TBK1: variants seen among roughly 807,000 people sequenced by gnomAD.
TBK1 encodes the protein TANK binding kinase 1, also known as serine/threonine-protein kinase TBK1.
Under a neutral mutation model 99.9 loss-of-function variants are expected in TBK1, and 37 were observed. The observed-to-expected ratio is 0.37, with a 90% CI of 0.28 to 0.49. The LOEUF (loss-of-function observed/expected upper bound fraction) is 0.49, where lower values mean the gene tolerates loss of function less well. Ranked by LOEUF, TBK1 falls within the 20% of genes least tolerant of loss-of-function variation. The pLI, the probability that TBK1 is intolerant of heterozygous loss-of-function variation, is 0.98. For synonymous variants in TBK1, 258 were observed against 279.8 expected (o/e 0.92, Z 0.78); for missense variants, 644 against 872.5 (o/e 0.74, Z 3.30).
At chr12:64,496,336 T>C in intron 15 of TBK1, 31 bp from the exon 16 acceptor site, 1 of 1,048,106 alleles carries the variant, frequency 9.5e-7, no homozygotes. Flanking sequence ...GATTCTATAT[T>C]AACAACAGTA....
rs2040874318 is a variant in TBK1, at chr12:64,491,964, T to C, written c.1521+1845T>C. The stretch of plus-strand genomic sequence containing the variant: ...GATTCAGGTATATACACACTTTAAA[T>C]GTTACTGAGTTAAAACAGTGAGTTT... On this transcript the variant is annotated intron_variant, in intron 13 of 20. Coordinates refer to ENST00000331710, the MANE Select transcript of TBK1 (RefSeq NM_013254.4). 2.0e-5 allele frequency among the ~76,000 whole-genome samples: 3 copies of C among 152,346 alleles called. No homozygotes were observed. In the South Asian group the frequency reaches 6.2e-4, roughly 32 times the overall value.
Position 64,464,454 on chromosome 12 carries a change from C to G in TBK1, c.349C>G (p.Arg117Gly), listed in dbSNP as rs757203783. The G allele has an allele frequency of 6.3e-7, 1 of 1,579,730 alleles. No homozygotes were observed. Among genetic ancestry groups the G allele is most frequent in the Admixed American group, 1.8e-5 (1 of 56,638 alleles). Residue 117 changes from arginine to glycine, a missense_variant, in exon 4 of 21, where the codon CGA becomes GGA. Physicochemically the swap from Arg to Gly is moderately radical, Grantham distance 125 (BLOSUM62 -2). Coordinates refer to ENST00000331710, the MANE Select transcript of TBK1 (RefSeq NM_013254.4). Reference sequence around the variant, plus strand: ...AGAATCTGAATTCTTAATTGTTTTGCGAGATGTGGGTATGTTTGTTTATTT... The same window carrying G: ...AGAATCTGAATTCTTAATTGTTTTGGGAGATGTGGGTATGTTTGTTTATTT... ...LPESEFLIVLRDVVGGMNHLR... is the reference protein window; with the variant it reads ...LPESEFLIVLGDVVGGMNHLR...
At chr12:64,454,474 C>G (rs1422424596) in intron 1 of TBK1, among the ~76,000 whole-genome samples, 3 of 151,842 alleles carry the variant, frequency 2.0e-5, no homozygotes, top group African/African-American at 7.3e-5. Flanking sequence ...GTCTCGAACT[C>G]CTGACCTTGT....
intron 13 of TBK1, among the ~76,000 whole-genome samples, chr12:64,494,583 C>T (rs2040906419): frequency 6.6e-6 from 1 of 152,030 alleles, no homozygotes. Flanking sequence ...ATAACTCATA[C>T]AAATTGATAA....
At chr12:64,454,157 T>C (rs2040459196) in intron 1 of TBK1, among the ~76,000 whole-genome samples, 1 of 152,252 alleles carries the variant, frequency 6.6e-6, no homozygotes, top group South Asian at 2.1e-4. Context: ...TGTCATAAAT[T>C]AATCTTTCAA....
rs770744519 is a variant in TBK1, at chr12:64,474,272, C to T, written c.583C>T (p.Gln195Ter). 1.2e-6 allele frequency: 2 copies of T among 1,613,576 alleles called. No homozygotes were observed. The highest frequency in any genetic ancestry group is 2.2e-5 in the South Asian group (2 of 91,050). The change falls in exon 6 of 21, where the codon CAG (glutamine) becomes TAG (stop). Residue 195 changes from glutamine to a stop codon, truncating the protein, a stop_gained. Coordinates refer to ENST00000331710, the MANE Select transcript of TBK1 (RefSeq NM_013254.4). LOFTEE classifies it high-confidence loss of function. Reference protein sequence around the residue: ...YERAVLRKDHQKKYGATVDLW... With the variant: ...YERAVLRKDH ...GAGAGCAGTGCTAAGAAAAGATCAT[C>T]AGAAGAAATATGGAGCAACAGTTGA...
chr12:64,496,376 A>G lies in TBK1; in HGVS notation c.1730A>G (p.Tyr577Cys), dbSNP rs1314545204. The G allele has an allele frequency of 1.7e-6, 2 of 1,212,088 alleles. No individual in the cohort carries two copies. Among genetic ancestry groups the G allele is most frequent in the South Asian group, 1.4e-5 (1 of 70,518 alleles). The allele number at this position is 1,212,088 out of a possible 1,614,324, so 75.1% of individuals were successfully genotyped here. A position where few individuals can be genotyped will look rare whatever the true frequency, so the allele number is the denominator to read the frequency against. Residue 577 changes from tyrosine to cysteine, a missense_variant, in exon 16 of 21, where the codon TAT becomes TGT. Physicochemically the swap from Tyr to Cys is radical, Grantham distance 194. This residue lies in a region of TBK1 where 465 missense variants were observed against 588.0 expected (regional missense o/e 0.79). Transcript: ENST00000331710. ...KKDKAERRLAYNEEQIHKFDK... is the reference protein window; with the variant it reads ...KKDKAERRLACNEEQIHKFDK... The stretch of plus-strand genomic sequence containing the variant: ...ATTTTCCTATTTCTAGGATTAGCTT[A>G]TAATGAAGAACAAATCCACAAATTT...
intron 8 of TBK1, among the ~76,000 whole-genome samples, chr12:64,482,700 G>C (rs2040779720): frequency 6.6e-6 from 1 of 152,174 alleles, no homozygotes. Flanking sequence ...TGTTACAGCT[G>C]CCTGCAGTAT....
intron 20 of TBK1, among the ~76,000 whole-genome samples, chr12:64,499,939 A>G (rs1323445925): frequency 6.6e-6 from 1 of 151,766 alleles, no homozygotes; most frequent in Non-Finnish European, 1.5e-5. Flanking sequence ...CTCGTGATCC[A>G]CCTGCCTCGG....
intron 5 of TBK1, 130 bp from the exon 6 acceptor site, chr12:64,474,100 T>A (rs2136069616): frequency 1.1e-6 from 1 of 878,462 alleles, no homozygotes; most frequent in Admixed American, 3.0e-5. Flanking sequence ...TGAAATAGTC[T>A]TTTCAGATTG....
intron 7 of TBK1, among the ~76,000 whole-genome samples, chr12:64,480,363 G>C (rs1393678369): frequency 6.6e-6 from 1 of 152,112 alleles, no homozygotes; most frequent in African/African-American, 2.4e-5. Flanking sequence ...TTTGAGATTG[G>C]TAATCACTGG....
chr12:64,455,061 C>T (rs2040472398), intron 1 of TBK1, among the ~76,000 whole-genome samples: 1 of 146,364 alleles, frequency 6.8e-6, no homozygotes. Flanking sequence ...GATTTCAGCT[C>T]ACTGCAGCCT....
At chr12:64,489,861 C>T (rs900053741) in intron 12 of TBK1, among the ~76,000 whole-genome samples, 180 bp from the exon 13 acceptor site, 2 of 151,464 alleles carry the variant, frequency 1.3e-5, no homozygotes, top group African/African-American at 2.4e-5. Context: ...CAGGCGTGAG[C>T]CACTGCACCT....
intron 5 of TBK1, among the ~76,000 whole-genome samples, chr12:64,472,085 ACTTTATGTG>A (rs2040667853): frequency 6.7e-6 from 1 of 150,300 alleles, no homozygotes; most frequent in Admixed American, 6.8e-5. Context: ...GACAATAATC[ACTTTATGTG>A]CTGTGCTACA....
rs770780416 is a variant in TBK1 at position 64,501,346 on chromosome 12, A to G, written c.2155A>G (p.Met719Val). ...GTGTTTTAGGTTTGGCTCTTTAACC[A>G]TGGATGGTGGCCTTCGCAACGTTGA... ...HILERFGSLT[M>V]DGGLRNVDCL is the part of the protein sequence containing the mutation. The change falls in exon 21 of 21, where the codon ATG (methionine) becomes GTG (valine). Residue 719 changes from methionine (M) to valine (V), a missense_variant. By Grantham distance (21) the Met-to-Val change is conservative (BLOSUM62 1). Around this residue, in one of 3 missense-constraint regions of TBK1, gnomAD observed 465 missense variants for 588.0 expected, o/e 0.79. Coordinates refer to ENST00000331710, the MANE Select transcript of TBK1 (RefSeq NM_013254.4). 5 of 1,613,984 alleles carry G rather than the reference A, an allele frequency of 3.1e-6. No homozygotes were observed. Among genetic ancestry groups the G allele is most frequent in the Non-Finnish European group, 4.2e-6 (5 of 1,179,976 alleles).
chr12:64,485,388 T>C, intron 9 of TBK1, 67 bp from the exon 10 acceptor site: 1 of 710,828 alleles, frequency 1.4e-6, no homozygotes. Flanking sequence ...TTGTGTTTGC[T>C]CTATAAAGGA....
chr12:64,458,857 A>C (rs1394228641), intron 2 of TBK1, among the ~76,000 whole-genome samples: 2 of 152,176 alleles, frequency 1.3e-5, no homozygotes, highest in African/African-American at 4.8e-5. Flanking sequence ...AAAACAGTGA[A>C]ACTGAACTGT....
intron 16 of TBK1, 21 bp downstream of exon 16, chr12:64,496,427 T>C: frequency 8.4e-7 from 1 of 1,197,128 alleles, no homozygotes; most frequent in Middle Eastern, 2.0e-4. Context: ...AGATTATGTT[T>C]AATAGTTATT....
intron 13 of TBK1, among the ~76,000 whole-genome samples, chr12:64,491,285 G>A (rs1592373348): frequency 6.6e-6 from 1 of 151,930 alleles, no homozygotes; most frequent in African/African-American, 2.4e-5. Flanking sequence ...TACCCTGCCC[G>A]TCTTATGGGT....
Sources: gnomAD v4.1 joint callset for allele counts (sites outside exome capture counted in the v4.1 genomes callset) on GRCh38, gnomAD v4.1.1 for gene constraint, gnomAD v4.1.1 regional missense constraint, MANE v1.5 for transcripts, NCBI Gene and HGNC (gene_info 2026-07-23, HGNC 2026-07-21) for gene names.